TPRG1: variants seen among roughly 807,000 people sequenced by gnomAD.
The protein encoded by TPRG1 is tumor protein p63 regulated 1.
Under a neutral mutation model 29.3 loss-of-function variants are expected in TPRG1, and 29 were observed. The observed-to-expected ratio is 0.99, with a 90% CI of 0.74 to 1.35. The LOEUF (loss-of-function observed/expected upper bound fraction) is 1.35, where lower values mean the gene tolerates loss of function less well. TPRG1 is among the 40% of genes most tolerant of loss of function. The probability of loss-of-function intolerance (pLI) is 0.00; values close to 1 mark genes in which losing one functional copy is unlikely to be tolerated. For synonymous variants in TPRG1, 130 were observed against 116.8 expected, an observed-to-expected ratio of 1.11 and a Z score of -0.73; for missense variants, 327 against 335.0, an observed-to-expected ratio of 0.98 and a Z score of 0.19.
rs1272594922 is a variant in TPRG1, at chr3:189,037,907, A to G, written c.-463+13961A>G. Among the ~76,000 whole-genome samples the G allele has an allele frequency of 3.3e-5, 5 of 151,158 alleles. No homozygotes were observed. In the South Asian group the frequency reaches 8.3e-4, roughly 25 times the overall value. ...TTGTTTTGGAGAAACTACCATCTCT[A>G]TCAAAAGGCATACAAGATCTGAATG... On this transcript the variant is annotated intron_variant, in intron 4 of 10. Coordinates refer to the TPRG1 transcript ENST00000433971.
At chr3:189,045,379 A>G (rs1177485399) in intron 4 of TPRG1, among the ~76,000 whole-genome samples, 1 of 152,264 alleles carries the variant, frequency 6.6e-6, no homozygotes, top group African/African-American at 2.4e-5. Context: ...AAGAACGTCA[A>G]GTCTCAAATT....
In TPRG1 at chr3:189,056,027, CCCTCCCTT is replaced by C. The variant is rs1348184664; in HGVS notation, c.-463+32085_-463+32092del. The stretch of plus-strand genomic sequence containing the variant: ...CTCTCTCTCCCTCCCTCCCTTCCCT[CCCTCCCTT>C]CCTTCCTTCCTTCCTTCCTTCCTTC... On this transcript the variant is annotated intron_variant, in intron 4 of 10. Transcript: ENST00000433971. Among the ~76,000 whole-genome samples, 353 of 106,154 alleles carry C rather than the reference CCCTCCCTT, an allele frequency of 3.3e-3. 9 individuals carry two copies. Among genetic ancestry groups the C allele is most frequent in the African/African-American group, 0.013 (334 of 26,452 alleles). 69.6% of individuals were successfully genotyped at this position (106,154 alleles called of 152,430 possible).
At chr3:189,266,502 G>T (rs890173424) in intron 4 of TPRG1, among the ~76,000 whole-genome samples, 14 of 152,152 alleles carry the variant, frequency 9.2e-5, no homozygotes, top group African/African-American at 3.4e-4. Flanking sequence ...TTTCTGGTGG[G>T]AATAGGGACA....
chr3:189,197,482 C>T (rs1732736035), intron 1 of TPRG1, among the ~76,000 whole-genome samples: 1 of 152,046 alleles, frequency 6.6e-6, no homozygotes, highest in African/African-American at 2.4e-5. Flanking sequence ...CTTTTCTGTC[C>T]CTTTTCTGTC....
At chr3:189,269,380 CT>C (rs1295096167) in intron 4 of TPRG1, among the ~76,000 whole-genome samples, 1 of 151,986 alleles carries the variant, frequency 6.6e-6, no homozygotes, top group Non-Finnish European at 1.5e-5. Flanking sequence ...TTTTTGAATC[CT>C]TTTGCATTAG....
intron 4 of TPRG1, among the ~76,000 whole-genome samples, chr3:189,268,191 T>G (rs1560627160): frequency 6.6e-6 from 1 of 152,190 alleles, no homozygotes; most frequent in Admixed American, 6.5e-5. Context: ...GATTTTGTCA[T>G]GTACACTCTT....
At chr3:189,250,099 A>T (rs79651664) in intron 4 of TPRG1, among the ~76,000 whole-genome samples, 2 of 152,252 alleles carry the variant, frequency 1.3e-5, no homozygotes, top group East Asian at 1.9e-4. Flanking sequence ...AATTGTTACC[A>T]CTGGGGACTG....
At chr3:189,250,504 G>GCGC (rs1553931507) in intron 4 of TPRG1, among the ~76,000 whole-genome samples, 4 of 23,588 alleles carry the variant, frequency 1.7e-4, no homozygotes. Flanking sequence ...TCTGATTTCC[G>GCGC]CCCCCCCCCC....
chr3:189,038,626 A>G (rs1714435473), intron 4 of TPRG1, among the ~76,000 whole-genome samples: 1 of 152,126 alleles, frequency 6.6e-6, no homozygotes, highest in African/African-American at 2.4e-5. Flanking sequence ...AATGGATCTG[A>G]TACATAATAA....
At chr3:189,109,132 CTG>C (rs1720182307) in intron 1 of TPRG1, among the ~76,000 whole-genome samples, 1 of 151,846 alleles carries the variant, frequency 6.6e-6, no homozygotes, top group Non-Finnish European at 1.5e-5. Flanking sequence ...TTCCTCTGGG[CTG>C]TGTGGGAGAC....
At chr3:189,045,374 C>T (rs565425731) in intron 4 of TPRG1, among the ~76,000 whole-genome samples, 14 of 152,256 alleles carry the variant, frequency 9.2e-5, no homozygotes, top group South Asian at 4.2e-4. Context: ...TGGAAAAGAA[C>T]GTCAAGTCTC....
intron 4 of TPRG1, among the ~76,000 whole-genome samples, chr3:189,025,510 C>T (rs1183106580): frequency 1.3e-5 from 2 of 152,220 alleles, no homozygotes; most frequent in African/African-American, 2.4e-5. Context: ...AAGTTAACTG[C>T]TTCTAATCAG....
intron 5 of TPRG1, among the ~76,000 whole-genome samples, chr3:189,151,657 G>A (rs1429721269): frequency 6.6e-6 from 1 of 152,110 alleles, no homozygotes; most frequent in Non-Finnish European, 1.5e-5. Context: ...GAGGCAGGTG[G>A]ATCACCTAAG....
intron 4 of TPRG1, among the ~76,000 whole-genome samples, chr3:189,257,700 ATTTCT>A (rs952508463): frequency 2.0e-5 from 3 of 151,910 alleles, no homozygotes; most frequent in African/African-American, 7.3e-5. Flanking sequence ...GGCTTTGTTC[ATTTCT>A]TTTCATCCTT....
chr3:189,224,220 C>T (rs996480158), intron 3 of TPRG1, among the ~76,000 whole-genome samples: 3 of 152,198 alleles, frequency 2.0e-5, no homozygotes, highest in South Asian at 2.1e-4. Flanking sequence ...TGGTGGCTTA[C>T]GCCTGTAATC....
intron 1 of TPRG1, among the ~76,000 whole-genome samples, chr3:189,193,900 G>A (rs939016861): frequency 6.9e-6 from 1 of 145,570 alleles, no homozygotes; most frequent in African/African-American, 2.6e-5. Flanking sequence ...TTTTCCTGGC[G>A]ATTCATTTAT....
At chr3:189,294,597 G>A (rs1330050914) in intron 4 of TPRG1, among the ~76,000 whole-genome samples, 4 of 152,052 alleles carry the variant, frequency 2.6e-5, no homozygotes, top group African/African-American at 4.8e-5. Flanking sequence ...GGTGTGTATC[G>A]CAGGGGGAAA....
intron 4 of TPRG1, among the ~76,000 whole-genome samples, chr3:189,047,158 C>T (rs1715029613): frequency 6.6e-6 from 1 of 152,038 alleles, no homozygotes; most frequent in South Asian, 2.1e-4. Context: ...AGGAAATATA[C>T]AACAATTTTA....
chr3:189,137,776 CTCTG>C (rs1723967328), intron 3 of TPRG1, among the ~76,000 whole-genome samples: 1 of 152,108 alleles, frequency 6.6e-6, no homozygotes, highest in Admixed American at 6.6e-5. Context: ...CTTCTCGTGT[CTCTG>C]TATGTAGCCA....
Sources: allele counts gnomAD v4.1 joint callset (sites outside exome capture counted in the v4.1 genomes callset), GRCh38; gene constraint gnomAD v4.1.1; transcripts MANE v1.5; gene names NCBI Gene and HGNC (gene_info 2026-07-23, HGNC 2026-07-21).